The following VTI1A variants were observed in gnomAD, a reference collection of about 807,000 sequenced individuals.
VTI1A encodes vesicle transport through interaction with t-SNAREs 1A.
VTI1A carries 22 observed loss-of-function variants against 34.9 expected under a neutral mutation model. That is an observed-to-expected ratio of 0.63 (90% confidence interval 0.45 to 0.90). The LOEUF (loss-of-function observed/expected upper bound fraction) is 0.90, where lower values mean the gene tolerates loss of function less well. VTI1A is among the 40% of genes least tolerant of loss of function. VTI1A has a pLI of 0.00. For synonymous variants in VTI1A, 87 were observed against 97.3 expected, an observed-to-expected ratio of 0.89 and a Z score of 0.62; for missense variants, 268 against 275.6, an observed-to-expected ratio of 0.97 and a Z score of 0.20.
chr10:112,546,884 G>T (rs1404064284), intron 5 of VTI1A, among the ~76,000 whole-genome samples: 1 of 152,076 alleles, frequency 6.6e-6, no homozygotes, highest in African/African-American at 2.4e-5. Flanking sequence ...GGGTTTCCTT[G>T]GGAGTCCTGT....
intron 7 of VTI1A, among the ~76,000 whole-genome samples, chr10:112,703,618 C>G (rs927127743): frequency 6.6e-6 from 1 of 151,926 alleles, no homozygotes; most frequent in Admixed American, 6.6e-5. Flanking sequence ...TATAATTAAT[C>G]TACAGTATAT....
chr10:112,601,312 A>G (rs1194578255), intron 5 of VTI1A, among the ~76,000 whole-genome samples: 4 of 152,174 alleles, frequency 2.6e-5, no homozygotes, highest in Non-Finnish European at 5.9e-5. Flanking sequence ...TATTACCCCA[A>G]TGACAGTAAA....
chr10:112,549,961 G>A (rs1182758934), intron 5 of VTI1A, among the ~76,000 whole-genome samples: 1 of 152,196 alleles, frequency 6.6e-6, no homozygotes, highest in Non-Finnish European at 1.5e-5. Flanking sequence ...GAGGTCCTCT[G>A]AGGTATTGGT....
At chr10:112,753,949 GAAC>G (rs1181206827) in intron 7 of VTI1A, among the ~76,000 whole-genome samples, 2 of 152,112 alleles carry the variant, frequency 1.3e-5, no homozygotes, top group Non-Finnish European at 2.9e-5. Flanking sequence ...GTAAGAAGAA[GAAC>G]AGTATACACA....
intron 7 of VTI1A, among the ~76,000 whole-genome samples, chr10:112,815,021 C>G (rs1282269556): frequency 6.6e-6 from 1 of 151,874 alleles, no homozygotes; most frequent in East Asian, 1.9e-4. Context: ...CCATTTGATT[C>G]GCCTTAGCTT....
At chr10:112,615,247 G>A (rs1312194053) in intron 5 of VTI1A, among the ~76,000 whole-genome samples, 1 of 152,194 alleles carries the variant, frequency 6.6e-6, no homozygotes, top group Non-Finnish European at 1.5e-5. Context: ...TGTCACAGTA[G>A]TTTAGCAAGG....
In VTI1A at chr10:112,621,491, A is replaced by G. The variant is rs139603275; in HGVS notation, c.428-46727A>G. Among the ~76,000 whole-genome samples, 257 of 152,242 alleles carry G rather than the reference A, an allele frequency of 1.7e-3. 2 individuals carry two copies. Among genetic ancestry groups the G allele is most frequent in the African/African-American group, 4.6e-3 (192 of 41,540 alleles). The stretch of plus-strand genomic sequence containing the variant: ...CCCATACCATCCTTATCAGGTACAC[A>G]TTATTGTCCCCATTACTCAAATGAG... On this transcript the variant is annotated intron_variant, in intron 5 of 7. Transcript: ENST00000393077.
At chr10:112,693,529 A>C (rs1848677844) in intron 7 of VTI1A, among the ~76,000 whole-genome samples, 1 of 152,234 alleles carries the variant, frequency 6.6e-6, no homozygotes, top group African/African-American at 2.4e-5. Context: ...TCTGGACAAC[A>C]ATATTGAAAC....
intron 7 of VTI1A, among the ~76,000 whole-genome samples, chr10:112,712,469 T>C (rs979927857): frequency 2.5e-5 from 3 of 121,396 alleles, no homozygotes; most frequent in Non-Finnish European, 5.0e-5. Context: ...TGAGATCAAC[T>C]ATTATCACAC....
At chr10:112,758,139 G>T (rs1254698838) in intron 7 of VTI1A, among the ~76,000 whole-genome samples, 2 of 152,188 alleles carry the variant, frequency 1.3e-5, no homozygotes, top group African/African-American at 4.8e-5. Flanking sequence ...CATTAGAGCT[G>T]CAGAAACCTG....
intron 7 of VTI1A, among the ~76,000 whole-genome samples, chr10:112,725,640 T>C (rs904325188): frequency 1.3e-5 from 2 of 152,262 alleles, no homozygotes; most frequent in Non-Finnish European, 2.9e-5. Context: ...CTAGCTATTA[T>C]TCTATCATAT....
intron 7 of VTI1A, among the ~76,000 whole-genome samples, chr10:112,741,661 T>A (rs1052557017): frequency 1.6e-4 from 24 of 152,190 alleles, no homozygotes; most frequent in Non-Finnish European, 2.4e-4. Context: ...GATAAAAAAA[T>A]TTTTAAGGTA....
chr10:112,675,340 C>G lies in VTI1A; in HGVS notation c.560+6342C>G, dbSNP rs556967292. Among the ~76,000 whole-genome samples, 9 of 152,304 alleles carry G rather than the reference C, an allele frequency of 5.9e-5. No homozygotes were observed. The South Asian group carries it at 1.9e-3, about 32-fold the overall frequency. On this transcript the variant is annotated intron_variant, in intron 7 of 7. Coordinates refer to ENST00000393077, the MANE Select transcript of VTI1A (RefSeq NM_145206.4). ...CAGGGTCTACATAAGTCATCTGCCT[C>G]CAGGGGCTGGTTTTCCTACTGTACC...
chr10:112,810,970 T>C (rs1444588150), intron 7 of VTI1A, among the ~76,000 whole-genome samples: 2 of 152,004 alleles, frequency 1.3e-5, no homozygotes, highest in Non-Finnish European at 2.9e-5. Context: ...AAAAATCTTA[T>C]CAGTCTTCAT....
At chr10:112,674,317 C>A (rs1847957891) in intron 7 of VTI1A, among the ~76,000 whole-genome samples, 1 of 152,132 alleles carries the variant, frequency 6.6e-6, no homozygotes, top group Non-Finnish European at 1.5e-5. Context: ...CCTATAGATT[C>A]TTTGGACTTA....
rs1315934332 is a variant in VTI1A, at chr10:112,679,506, A to T, written c.560+10508A>T. 2.6e-5 allele frequency among the ~76,000 whole-genome samples: 4 copies of T among 151,558 alleles called. No individual in the cohort carries two copies. In the East Asian group the frequency reaches 7.7e-4, roughly 29 times the overall value. ...AGGAGGTGTCACGATTTTTTTTTTT[A>T]ACCTCAGTGTTCTTTTAAAAAGGCT... is the stretch of plus-strand genomic sequence containing the variant. On this transcript the variant is annotated intron_variant, in intron 7 of 7. Transcript: ENST00000393077.
At chr10:112,492,363 G>C (rs888847411) in intron 3 of VTI1A, among the ~76,000 whole-genome samples, 2 of 152,188 alleles carry the variant, frequency 1.3e-5, no homozygotes, top group Admixed American at 1.3e-4. Context: ...TTAGCCCTAA[G>C]GGTCTTTTAC....
intron 7 of VTI1A, among the ~76,000 whole-genome samples, chr10:112,707,884 T>C (rs1849255761): frequency 1.3e-5 from 2 of 152,244 alleles, no homozygotes; most frequent in African/African-American, 4.8e-5. Flanking sequence ...TTGGTTCATG[T>C]AATTGCCTTT....
At chr10:112,594,348 A>C (rs993772744) in intron 5 of VTI1A, among the ~76,000 whole-genome samples, 1 of 152,162 alleles carries the variant, frequency 6.6e-6, no homozygotes, top group Admixed American at 6.5e-5. Context: ...AGGGTATTCA[A>C]TTAGGAAAAG....
Sources: gnomAD v4.1 joint callset for allele counts (sites outside exome capture counted in the v4.1 genomes callset) on GRCh38, gnomAD v4.1.1 for gene constraint, MANE v1.5 for transcripts, NCBI Gene and HGNC (gene_info 2026-07-23, HGNC 2026-07-21) for gene names.